Variants in OR51B5 observed in about 807,000 individuals in gnomAD.
OR51B5 encodes olfactory receptor 51B5.
For missense variants in OR51B5, 456 were observed against 374.6 expected, an observed-to-expected ratio of 1.22 and a Z score of -1.79; for synonymous variants, 186 against 144.8, an observed-to-expected ratio of 1.28 and a Z score of -2.04.
chr11:5,374,582 G>C (rs1589960715), intron 1 of OR51B5, among the ~76,000 whole-genome samples: 1 of 151,918 alleles, frequency 6.6e-6, no homozygotes, highest in East Asian at 1.9e-4. Flanking sequence ...TAAAAACTTT[G>C]AAAAAAAATT....
At chr11:5,374,215 C>G (rs1849488640) in intron 1 of OR51B5, among the ~76,000 whole-genome samples, 1 of 152,164 alleles carries the variant, frequency 6.6e-6, no homozygotes, top group African/African-American at 2.4e-5. Flanking sequence ...GATACCCAGG[C>G]AAACAGGGTC....
chr11:5,390,035 A>C lies in OR51B5; in HGVS notation n.85-43125T>G, dbSNP rs777348255. ...CACCTTCAATAATCTGTATGGACTG[A>C]TGGTGGTAGTTTTCACTGTGATGCT... On this transcript the variant is annotated intron_variant and non_coding_transcript_variant, in intron 1 of 4. Coordinates refer to the OR51B5 transcript ENST00000415970. 1.1e-5 allele frequency: 18 copies of C among 1,613,470 alleles called. No individual in the cohort carries two copies. The highest frequency in any genetic ancestry group is 1.7e-5 in the Admixed American group (1 of 59,994).
At position 5,472,175 on chromosome 11, in the gene OR51B5, G is replaced by A. The variant is rs543473582; in HGVS notation, n.84+33394C>T. 3.9e-5 allele frequency among the ~76,000 whole-genome samples: 6 copies of A among 152,290 alleles called. No homozygotes were observed. In the South Asian group the frequency reaches 6.2e-4, roughly 16 times the overall value. On this transcript the variant is annotated intron_variant and non_coding_transcript_variant, in intron 1 of 4. Transcript: ENST00000415970. ...AACCACACAGTGAAGCTCCAAGCAC[G>A]AAGCCAGCATAGTGGCAGTTCAGGC...
At chr11:5,494,589 G>A (rs541997748) in intron 1 of OR51B5, among the ~76,000 whole-genome samples, 24 of 152,182 alleles carry the variant, frequency 1.6e-4, no homozygotes, top group Non-Finnish European at 2.9e-4. Context: ...ACTATTTAAG[G>A]AATATAAAAA....
rs56677841 is a variant in OR51B5 at position 5,452,504 on chromosome 11, CAAAAAAAAAAAAAAAAAAAAAA to C, written n.84+53043_84+53064del. Reference sequence around the variant, plus strand: ...TGGGCAAAAGAGAGAGACTCTGTCTCAAAAAAAAAAAAAAAAAAAAAAAAAAAAAAAAAAAAAAAATCAACAG... The same window carrying C: ...TGGGCAAAAGAGAGAGACTCTGTCTCAAAAAAAAAAAAAAAAAATCAACAG... On this transcript the variant is annotated intron_variant and non_coding_transcript_variant, in intron 1 of 4. Transcript: ENST00000415970. 2.9e-3 allele frequency among the ~76,000 whole-genome samples: 200 copies of C among 69,212 alleles called. 3 individuals are homozygous for C. The highest frequency in any genetic ancestry group is 0.01 in the African/African-American group (185 of 17,780). The allele number at this position is 69,212 out of a possible 152,430, so 45.4% of individuals were successfully genotyped here.
chr11:5,398,991 A>G (rs1016804643), intron 1 of OR51B5, among the ~76,000 whole-genome samples: 5 of 152,134 alleles, frequency 3.3e-5, no homozygotes, highest in Non-Finnish European at 7.4e-5. Context: ...TCCCAACCCC[A>G]TGTCACAGTG....
chr11:5,381,426 C>T (rs942031309), intron 1 of OR51B5, among the ~76,000 whole-genome samples: 11 of 152,176 alleles, frequency 7.2e-5, no homozygotes, highest in Admixed American at 6.5e-5. Flanking sequence ...GAGATAGGTC[C>T]GAGGACTTGC....
At position 5,358,259 on chromosome 11, in the gene OR51B5, GAAGAA is replaced by G. The variant is rs1222129614; in HGVS notation, n.85-11354_85-11350del. Among the ~76,000 whole-genome samples the G allele has an allele frequency of 2.0e-5, 3 of 151,642 alleles. No individual in the cohort carries two copies. The East Asian group carries it at 5.8e-4, about 29-fold the overall frequency. ...ATAGACTGCTAGCAAGACTAATAAA[GAAGAA>G]AAGAGAGAAGAATCAAATAGATGCA... On this transcript the variant is annotated intron_variant and non_coding_transcript_variant, in intron 1 of 4. Transcript: ENST00000415970.
At chr11:5,372,050 T>C (rs4296065) in intron 1 of OR51B5, among the ~76,000 whole-genome samples, 40,808 of 152,082 alleles carry the variant, frequency 0.27, 5,749 homozygotes, top group African/African-American at 0.32. Flanking sequence ...TCTAGGTTTA[T>C]ACATTCCCCC....
chr11:5,465,501 G>T (rs1405680076), intron 1 of OR51B5, among the ~76,000 whole-genome samples: 1 of 151,698 alleles, frequency 6.6e-6, no homozygotes, highest in East Asian at 1.9e-4. Flanking sequence ...CATCACCAAG[G>T]CAATCCTAAG....
chr11:5,411,961 T>A (rs746769748), intron 1 of OR51B5, among the ~76,000 whole-genome samples: 1 of 152,254 alleles, frequency 6.6e-6, no homozygotes, highest in African/African-American at 2.4e-5. Context: ...AGCCAATCTC[T>A]TGATTTTAGC....
chr11:5,421,084 G>T (rs1475787916), intron 1 of OR51B5, among the ~76,000 whole-genome samples: 2 of 152,328 alleles, frequency 1.3e-5, no homozygotes, highest in East Asian at 1.9e-4. Context: ...ACAAGCTAAT[G>T]AAACTGTGAT....
At chr11:5,357,185 T>G (rs1030294803) in intron 1 of OR51B5, among the ~76,000 whole-genome samples, 1 of 151,886 alleles carries the variant, frequency 6.6e-6, no homozygotes, top group Admixed American at 6.6e-5. Context: ...ACGGGCAAAT[T>G]AGATAAAGAG....
At position 5,394,081 on chromosome 11, in the gene OR51B5, G is replaced by C. The variant is rs575167104; in HGVS notation, n.85-47171C>G. ...TTATTGTATTAAATACTTTTTAATA[G>C]ACTTGATTTTAAGAGTTATAGATTC... On this transcript the variant is annotated intron_variant and non_coding_transcript_variant, in intron 1 of 4. Transcript: ENST00000415970. 7.2e-5 allele frequency among the ~76,000 whole-genome samples: 11 copies of C among 152,120 alleles called. 1 individual carries two copies. In the East Asian group the frequency reaches 1.7e-3, roughly 24 times the overall value.
chr11:5,502,153 C>G (rs1351480055), intron 1 of OR51B5, among the ~76,000 whole-genome samples: 2 of 152,184 alleles, frequency 1.3e-5, no homozygotes, highest in South Asian at 2.1e-4. Flanking sequence ...ACTTGAATGA[C>G]TACAGGGGTC....
rs906420172 is a variant in OR51B5 at position 5,410,939 on chromosome 11, T to C, written n.85-64029A>G. Among the ~76,000 whole-genome samples, 41 of 51,912 alleles carry C rather than the reference T, an allele frequency of 7.9e-4. 1 individual carries two copies. The highest frequency in any genetic ancestry group is 2.2e-3 in the Non-Finnish European group (35 of 15,616). 34.1% of individuals were successfully genotyped at this position (51,912 alleles called of 152,430 possible). On this transcript the variant is annotated intron_variant and non_coding_transcript_variant, in intron 1 of 4. Transcript: ENST00000415970. ...TACCACTGTACAATGCATTCATGGA[T>C]TTAGCTGTATTACAAAACAGTCAAA... is the stretch of plus-strand genomic sequence containing the variant.
At chr11:5,439,950 C>G (rs965726589) in intron 1 of OR51B5, among the ~76,000 whole-genome samples, 1 of 152,194 alleles carries the variant, frequency 6.6e-6, no homozygotes, top group Admixed American at 6.5e-5. Flanking sequence ...TGGAATAGTA[C>G]TGTTCTAAAC....
chr11:5,405,177 T>C (rs7940355), intron 1 of OR51B5, among the ~76,000 whole-genome samples: 37 of 152,320 alleles, frequency 2.4e-4, no homozygotes, highest in African/African-American at 8.9e-4. Flanking sequence ...ATAAAATATA[T>C]ACTAAGAACT....
At chr11:5,358,672 C>T (rs934593761) in intron 1 of OR51B5, among the ~76,000 whole-genome samples, 8 of 151,966 alleles carry the variant, frequency 5.3e-5, no homozygotes, top group South Asian at 2.1e-4. Context: ...ATACCAAAGC[C>T]GGGCAGAGAC....
Sources: allele counts gnomAD v4.1 joint callset (sites outside exome capture counted in the v4.1 genomes callset), GRCh38; gene constraint gnomAD v4.1.1; transcripts MANE v1.5; gene names NCBI Gene and HGNC (gene_info 2026-07-23, HGNC 2026-07-21).